The following CACNA2D2 variants were observed in gnomAD, a reference collection of about 807,000 sequenced individuals.
CACNA2D2 encodes voltage-dependent calcium channel subunit alpha-2/delta-2.
In CACNA2D2, 48 loss-of-function variants were observed where a neutral mutation model predicts 166.4. The ratio of observed to expected loss-of-function variants is 0.29; its 90% CI spans 0.23 to 0.37. The LOEUF (loss-of-function observed/expected upper bound fraction) is 0.37, where lower values mean the gene tolerates loss of function less well. CACNA2D2 is among the 10% of genes least tolerant of loss of function. The probability of loss-of-function intolerance (pLI) is 1.00; values close to 1 mark genes in which losing one functional copy is unlikely to be tolerated. For missense variants in CACNA2D2, 1,122 were observed against 1,433.0 expected, an observed-to-expected ratio of 0.78 and a Z score of 3.50; for synonymous variants, 561 against 573.7, an observed-to-expected ratio of 0.98 and a Z score of 0.32.
At chr3:50,404,964 C>T (rs780363150) in intron 3 of CACNA2D2, among the ~76,000 whole-genome samples, 3 of 152,148 alleles carry the variant, frequency 2.0e-5, no homozygotes, top group Non-Finnish European at 2.9e-5. Flanking sequence ...AGAGTGAGAC[C>T]CCACCCCAGC....
At chr3:50,468,695 G>C (rs1366139333) in intron 2 of CACNA2D2, among the ~76,000 whole-genome samples, 4 of 151,902 alleles carry the variant, frequency 2.6e-5, no homozygotes, top group African/African-American at 9.7e-5. Flanking sequence ...AAGAACCCCC[G>C]ATCCTCAGCT....
chr3:50,446,322 T>TTGTCCTTATTTTACAGA (rs1354439778), intron 2 of CACNA2D2, among the ~76,000 whole-genome samples: 4 of 152,268 alleles, frequency 2.6e-5, no homozygotes, highest in Non-Finnish European at 5.9e-5. Flanking sequence ...CCAGCCCCAG[T>TTGTCCTTATTTTACAGA]TGTCCTTATT....
At chr3:50,467,940 T>C (rs1296773088) in intron 2 of CACNA2D2, among the ~76,000 whole-genome samples, 1 of 152,216 alleles carries the variant, frequency 6.6e-6, no homozygotes, top group Non-Finnish European at 1.5e-5. Flanking sequence ...TTGTGGGGAA[T>C]GCTGCTCCTG....
At chr3:50,390,422 G>A (rs1705827312) in intron 4 of CACNA2D2, among the ~76,000 whole-genome samples, 1 of 152,110 alleles carries the variant, frequency 6.6e-6, no homozygotes, top group Middle Eastern at 3.2e-3. Flanking sequence ...CAGGGAGCTG[G>A]GCCTCCCCAG....
chr3:50,480,551 C>A (rs544440426), intron 1 of CACNA2D2, among the ~76,000 whole-genome samples: 8 of 151,652 alleles, frequency 5.3e-5, no homozygotes, highest in Non-Finnish European at 7.4e-5. Flanking sequence ...GAAGATGACA[C>A]CCTGAGTTGC....
intron 22 of CACNA2D2, among the ~76,000 whole-genome samples, chr3:50,371,930 C>T (rs1388432678): frequency 6.6e-6 from 1 of 152,040 alleles, no homozygotes; most frequent in Non-Finnish European, 1.5e-5. Flanking sequence ...GCACATCCCC[C>T]ACCCCCGCCC....
At chr3:50,450,494 G>T (rs1230320623) in intron 2 of CACNA2D2, among the ~76,000 whole-genome samples, 1 of 152,126 alleles carries the variant, frequency 6.6e-6, no homozygotes, top group African/African-American at 2.4e-5. Context: ...AGGCTCTGGA[G>T]CCCGCCCTGC....
intron 1 of CACNA2D2, among the ~76,000 whole-genome samples, chr3:50,477,079 G>A (rs926017154): frequency 1.2e-4 from 18 of 152,034 alleles, no homozygotes; most frequent in African/African-American, 4.1e-4. Context: ...ACAGGTGCCC[G>A]CCACCACGCC....
At chr3:50,383,765 C>T (rs1705445747) in intron 6 of CACNA2D2, among the ~76,000 whole-genome samples, 2 of 152,110 alleles carry the variant, frequency 1.3e-5, no homozygotes, top group Non-Finnish European at 2.9e-5. Flanking sequence ...GTTCCCTGTC[C>T]CCCTACCCTC....
chr3:50,365,352 G>C lies in CACNA2D2; in HGVS notation c.3098+4C>G, dbSNP rs1460946812. 6.2e-7 allele frequency: 1 copy of C among 1,612,614 alleles called. No individual in the cohort carries two copies. Among genetic ancestry groups the C allele is most frequent in the South Asian group, 1.1e-5 (1 of 91,044 alleles). On this transcript the variant is annotated splice_donor_region_variant and intron_variant, in intron 35 of 37. Transcript: ENST00000424201. The surrounding 1 kb of genome is among the most constrained non-coding windows in gnomAD (Gnocchi z 4.5). ...GGCCTCTGGTCCCGCCCCACTGCCA[G>C]CACCTGGAGCAGTTTCCGCAGTCGA... is the stretch of plus-strand genomic sequence containing the variant.
chr3:50,434,249 T>C (rs1708204736), intron 3 of CACNA2D2, 64 bp downstream of exon 3: 2 of 1,129,982 alleles, frequency 1.8e-6, no homozygotes, highest in Admixed American at 3.4e-5. Context: ...GCCCTCATGG[T>C]ACAGGACCTC....
chr3:50,476,145 A>T lies in CACNA2D2; in HGVS notation c.261T>A (p.Ile87=), dbSNP rs1697750815. 4 of 1,603,120 alleles carry T rather than the reference A, an allele frequency of 2.5e-6. No individual in the cohort carries two copies. The highest frequency in any genetic ancestry group is 3.4e-6 in the Non-Finnish European group (4 of 1,175,344). The change falls in exon 2 of 38, where the codon ATT becomes ATA. Residue 87 remains isoleucine (I), a synonymous_variant. Coordinates refer to ENST00000424201, the MANE Select transcript of CACNA2D2 (RefSeq NM_006030.4). The stretch of plus-strand genomic sequence containing the variant: ...CACGGAGCTGCTGGACGCCTCCAAA[A>T]ATCCGCATCACGCCGTCGACCTCCT... ...LEQEVDGVMR[I]FGGVQQLREI...
In CACNA2D2 at chr3:50,367,581, G is replaced by A. The variant is rs951657932; in HGVS notation, c.2297+61C>T. On this transcript the variant is annotated intron_variant, in intron 26 of 37. Transcript: ENST00000424201. This position sits in a 1 kb window ranked among gnomAD's most constrained non-coding sequence, Gnocchi z 6.5. ...TCCACAGATGCAAGGAGGCCTCTGGGCAGAACAGATGCAGGTTCCCTGGCA... is the reference window on the plus strand; with the variant it reads ...TCCACAGATGCAAGGAGGCCTCTGGACAGAACAGATGCAGGTTCCCTGGCA... 8.1e-6 allele frequency: 13 copies of A among 1,602,970 alleles called. No individual in the cohort carries two copies. In the African/African-American group the frequency reaches 1.6e-4, roughly 20 times the overall value.
Position 50,486,231 on chromosome 3 carries a change from C to T in CACNA2D2, c.207-10032G>A, listed in dbSNP as rs1698275439. Among the ~76,000 whole-genome samples the T allele has an allele frequency of 2.6e-5, 4 of 152,306 alleles. No homozygotes were observed. The South Asian group carries it at 8.3e-4, about 32-fold the overall frequency. On this transcript the variant is annotated intron_variant, in intron 1 of 37. Coordinates refer to ENST00000424201, the MANE Select transcript of CACNA2D2 (RefSeq NM_006030.4). ...GTAGGGTTGGGACACCTGTGGAGGT[C>T]ACCAAATGGGTCAGGGAGGAACCCA...
chr3:50,491,053 T>C (rs771877844), intron 1 of CACNA2D2, among the ~76,000 whole-genome samples: 2 of 152,136 alleles, frequency 1.3e-5, no homozygotes, highest in Non-Finnish European at 2.9e-5. Flanking sequence ...TTGCAGGTGC[T>C]TGTTAAGCCC....
intron 2 of CACNA2D2, among the ~76,000 whole-genome samples, chr3:50,450,362 G>A (rs972427805): frequency 2.7e-4 from 4 of 14,816 alleles, no homozygotes; most frequent in Non-Finnish European, 5.3e-4. Flanking sequence ...CCCTGCCCCC[G>A]CCCCGTGTAA....
At position 50,420,514 on chromosome 3, in the gene CACNA2D2, CTTGGGCCACAT is replaced by C. The variant is rs1260500612; in HGVS notation, c.405+13788_405+13798del. On this transcript the variant is annotated intron_variant, in intron 3 of 37. Transcript: ENST00000424201. ...TTGTGATGCTTGGTCAGGGCCAAGGCTTGGGCCACATATGACCCACTGCGGGGCTGTATACA... is the reference window on the plus strand; with the variant it reads ...TTGTGATGCTTGGTCAGGGCCAAGGCATGACCCACTGCGGGGCTGTATACA... Among the ~76,000 whole-genome samples, 627 of 152,338 alleles carry C rather than the reference CTTGGGCCACAT, an allele frequency of 4.1e-3. 8 individuals carry two copies. The highest frequency in any genetic ancestry group is 0.014 in the African/African-American group (573 of 41,586).
At chr3:50,467,876 CCA>C (rs1350952935) in intron 2 of CACNA2D2, among the ~76,000 whole-genome samples, 1 of 152,224 alleles carries the variant, frequency 6.6e-6, no homozygotes, top group African/African-American at 2.4e-5. Flanking sequence ...GTGAGGGCAG[CCA>C]CACTCAGAGA....
At chr3:50,432,906 G>A (rs1208679860) in intron 3 of CACNA2D2, among the ~76,000 whole-genome samples, 1 of 152,286 alleles carries the variant, frequency 6.6e-6, no homozygotes, top group Non-Finnish European at 1.5e-5. Context: ...ATGGCAGGGT[G>A]TAGGCTGGGG....
Sources: allele counts gnomAD v4.1 joint callset (sites outside exome capture counted in the v4.1 genomes callset), GRCh38; gene constraint gnomAD v4.1.1; non-coding constraint Gnocchi (gnomAD v3.1); transcripts MANE v1.5; gene names NCBI Gene and HGNC (gene_info 2026-07-23, HGNC 2026-07-21).